GPC5: variants seen among roughly 807,000 people sequenced by gnomAD.
GPC5 encodes glypican-5.
In GPC5, 47 loss-of-function variants were observed where a neutral mutation model predicts 53.9. That is an observed-to-expected ratio of 0.87 (90% CI 0.69 to 1.11). The LOEUF (loss-of-function observed/expected upper bound fraction) is 1.11. Ranked by LOEUF, GPC5 falls within the 50% of genes most tolerant of loss-of-function variation. GPC5 has a pLI of 0.00. For synonymous variants in GPC5, 286 were observed against 263.3 expected, an observed-to-expected ratio of 1.09 and a Z score of -0.84; for missense variants, 748 against 713.1, an observed-to-expected ratio of 1.05 and a Z score of -0.56.
At chr13:91,515,157 A>C (rs1885427662) in intron 2 of GPC5, among the ~76,000 whole-genome samples, 1 of 152,206 alleles carries the variant, frequency 6.6e-6, no homozygotes, top group Non-Finnish European at 1.5e-5. Context: ...AAAATGCATA[A>C]TTGAGACTTC....
chr13:92,365,886 A>G (rs554248878), intron 7 of GPC5, among the ~76,000 whole-genome samples: 1 of 151,604 alleles, frequency 6.6e-6, no homozygotes, highest in East Asian at 1.9e-4. Context: ...AGGCTGTTTT[A>G]TAGTTATCTT....
chr13:92,202,804 C>G (rs952705181), intron 7 of GPC5, among the ~76,000 whole-genome samples: 2 of 152,172 alleles, frequency 1.3e-5, no homozygotes, highest in African/African-American at 4.8e-5. Flanking sequence ...CACATTCTTT[C>G]TACTGGAAAA....
chr13:91,470,723 T>C (rs1882567808), intron 2 of GPC5, among the ~76,000 whole-genome samples: 1 of 152,156 alleles, frequency 6.6e-6, no homozygotes, highest in African/African-American at 2.4e-5. Flanking sequence ...TCTGAAGTAA[T>C]TAATATAACC....
At chr13:92,800,279 A>G (rs985815693) in intron 7 of GPC5, among the ~76,000 whole-genome samples, 2 of 152,008 alleles carry the variant, frequency 1.3e-5, no homozygotes, top group African/African-American at 2.4e-5. Context: ...CAAGATGGGC[A>G]TAACATTACG....
chr13:91,989,744 T>C (rs2040440231), intron 6 of GPC5, among the ~76,000 whole-genome samples: 1 of 152,202 alleles, frequency 6.6e-6, no homozygotes, highest in Admixed American at 6.5e-5. Context: ...ATTACTATTT[T>C]GCAAGAATTA....
chr13:91,983,642 C>A (rs1351802162), intron 6 of GPC5, among the ~76,000 whole-genome samples: 3 of 152,112 alleles, frequency 2.0e-5, no homozygotes, highest in Non-Finnish European at 4.4e-5. Context: ...TGTCAAATTG[C>A]AGCATTTTCT....
chr13:92,858,021 G>A (rs951241352), intron 7 of GPC5, among the ~76,000 whole-genome samples: 2 of 152,150 alleles, frequency 1.3e-5, no homozygotes, highest in African/African-American at 2.4e-5. Flanking sequence ...GCACTCATAT[G>A]TTCATCACAG....
chr13:92,749,727 G>A (rs1028563646), intron 7 of GPC5, among the ~76,000 whole-genome samples: 1 of 152,082 alleles, frequency 6.6e-6, no homozygotes, highest in African/African-American at 2.4e-5. Flanking sequence ...GTGCATGAAT[G>A]GAGAGTACAA....
chr13:92,150,861 T>G (rs1373759372), intron 7 of GPC5, among the ~76,000 whole-genome samples: 1 of 150,288 alleles, frequency 6.7e-6, no homozygotes, highest in East Asian at 2.0e-4. Context: ...AACACAATGC[T>G]AAGTGTAACT....
At chr13:92,248,780 A>G (rs754656771) in intron 7 of GPC5, among the ~76,000 whole-genome samples, 4 of 149,424 alleles carry the variant, frequency 2.7e-5, no homozygotes, top group Non-Finnish European at 4.5e-5. Flanking sequence ...GATCAGGAAA[A>G]CTCTTGTTTC....
At chr13:91,649,384 A>G (rs1391158964) in intron 2 of GPC5, among the ~76,000 whole-genome samples, 1 of 152,178 alleles carries the variant, frequency 6.6e-6, no homozygotes, top group African/African-American at 2.4e-5. Context: ...AAAATGGAGT[A>G]ATAACAATAA....
chr13:92,561,641 AGT>A (rs1882697682), intron 7 of GPC5, among the ~76,000 whole-genome samples: 1 of 152,052 alleles, frequency 6.6e-6, no homozygotes, highest in South Asian at 2.1e-4. Flanking sequence ...GTAACTGTGC[AGT>A]GTTATCATTA....
At chr13:91,838,159 G>C (rs1288565827) in intron 5 of GPC5, among the ~76,000 whole-genome samples, 1 of 152,084 alleles carries the variant, frequency 6.6e-6, no homozygotes, top group Non-Finnish European at 1.5e-5. Context: ...ATAAACTGTG[G>C]ATGAAACTGA....
intron 5 of GPC5, among the ~76,000 whole-genome samples, chr13:91,793,291 A>G (rs1358336134): frequency 1.3e-5 from 2 of 152,106 alleles, no homozygotes; most frequent in Non-Finnish European, 2.9e-5. Flanking sequence ...CAAGAACAGC[A>G]TGGGGAAAAA....
At chr13:91,626,105 A>T (rs1163936473) in intron 2 of GPC5, among the ~76,000 whole-genome samples, 2 of 152,162 alleles carry the variant, frequency 1.3e-5, no homozygotes, top group Non-Finnish European at 2.9e-5. Flanking sequence ...AAAAATTATT[A>T]TGATGACTGT....
intron 6 of GPC5, among the ~76,000 whole-genome samples, chr13:92,072,082 T>G (rs1594752547): frequency 6.8e-6 from 1 of 146,142 alleles, no homozygotes; most frequent in Admixed American, 6.9e-5. Flanking sequence ...TAAAAATATA[T>G]AATTATATAT....
At chr13:92,729,901 AC>A (rs1594460907) in intron 7 of GPC5, among the ~76,000 whole-genome samples, 1 of 151,516 alleles carries the variant, frequency 6.6e-6, no homozygotes, top group East Asian at 1.9e-4. Flanking sequence ...CTCAAAAAAA[AC>A]CAGTCTTGCA....
intron 5 of GPC5, among the ~76,000 whole-genome samples, chr13:91,883,647 G>A (rs2039291031): frequency 1.3e-5 from 2 of 152,200 alleles, no homozygotes. Context: ...TGAGGAAGGG[G>A]AAGAGTATTA....
chr13:91,452,012 T>C (rs1016061977), intron 2 of GPC5, among the ~76,000 whole-genome samples: 1 of 152,108 alleles, frequency 6.6e-6, no homozygotes, highest in African/African-American at 2.4e-5. Flanking sequence ...AGACAGGGTC[T>C]CACTCTGTTG....
Sources: allele counts gnomAD v4.1 joint callset (sites outside exome capture counted in the v4.1 genomes callset), GRCh38; gene constraint gnomAD v4.1.1; transcripts MANE v1.5; gene names NCBI Gene and HGNC (gene_info 2026-07-23, HGNC 2026-07-21).